Variants in CUX1 observed in about 807,000 individuals in gnomAD.
CUX1 encodes cut like homeobox 1, also known as protein CASP.
A neutral mutation model predicts 158.8 loss-of-function variants in CUX1; 31 were observed. The ratio of observed to expected loss-of-function variants is 0.20; its 90% CI spans 0.15 to 0.26. CUX1 has a LOEUF of 0.26. Ranked by LOEUF, CUX1 falls within the 10% of genes least tolerant of loss-of-function variation. The pLI is 1.00. For synonymous variants in CUX1, 879 were observed against 862.1 expected (o/e 1.02, Z -0.34); for missense variants, 1,589 against 2,014.6 (o/e 0.79, Z 4.04).
intron 1 of CUX1, among the ~76,000 whole-genome samples, chr7:101,908,397 C>T (rs541287437): frequency 1.6e-4 from 24 of 152,336 alleles, no homozygotes; most frequent in East Asian, 5.8e-4. Context: ...TTGCTCGCCT[C>T]GGCCTCCCAA....
chr7:102,264,626 TCATTGGTAGG>T (rs1790668058), intron 14 of CUX1: 1 of 152,416 alleles, frequency 6.6e-6, no homozygotes, highest in Non-Finnish European at 1.5e-5. Flanking sequence ...GAAGTAGGAT[TCATTGGTAGG>T]AGTGAGTAAG....
intron 2 of CUX1, among the ~76,000 whole-genome samples, chr7:102,023,584 C>G (rs1819644828): frequency 6.6e-6 from 1 of 152,180 alleles, no homozygotes; most frequent in African/African-American, 2.4e-5. Context: ...GGGGAGCCTC[C>G]CAATGTGCTG....
rs1792687691 is a variant in CUX1, at chr7:102,178,770, T to C, written c.1017+113T>C. On this transcript the variant is annotated intron_variant, in intron 11 of 23. Coordinates refer to ENST00000292535, the MANE Select transcript of CUX1 (RefSeq NM_181552.4). ...GGACTTGATAGCAAGTGTGGCAACC[T>C]TGAACCTCTGTAAAGTAGCACCAAG... is the stretch of plus-strand genomic sequence containing the variant. The C allele has an allele frequency of 2.6e-6, 3 of 1,172,338 alleles. No individual in the cohort carries two copies. The Admixed American group carries it at 7.2e-5, about 28-fold the overall frequency. The allele number at this position is 1,172,338 out of a possible 1,614,324, so 72.6% of individuals were successfully genotyped here. A position where few individuals can be genotyped will look rare whatever the true frequency, so the allele number is the denominator to read the frequency against.
At chr7:102,030,322 CTCTTTACCCAGA>C (rs1477479057) in intron 3 of CUX1, among the ~76,000 whole-genome samples, 1 of 151,966 alleles carries the variant, frequency 6.6e-6, no homozygotes, top group Admixed American at 6.6e-5. Flanking sequence ...CACCTATATG[CTCTTTACCCAGA>C]TCCACAGTTG....
At chr7:101,988,525 C>T (rs1047367560) in intron 2 of CUX1, among the ~76,000 whole-genome samples, 1 of 152,186 alleles carries the variant, frequency 6.6e-6, no homozygotes, top group African/African-American at 2.4e-5. Context: ...CCTGCTCCTC[C>T]TTTCCCTCCA....
chr7:101,878,677 T>G (rs1454893544), intron 1 of CUX1, among the ~76,000 whole-genome samples: 1 of 151,890 alleles, frequency 6.6e-6, no homozygotes, highest in Non-Finnish European at 1.5e-5. Flanking sequence ...AGATCTTTTT[T>G]TGTTTTTTTT....
chr7:101,836,663 G>C (rs1794663506), intron 1 of CUX1, among the ~76,000 whole-genome samples: 1 of 131,738 alleles, frequency 7.6e-6, no homozygotes, highest in Non-Finnish European at 1.5e-5. Context: ...CCAAGGCTCT[G>C]AGAGCAGCGA....
chr7:101,945,009 GAC>G (rs1808204364), intron 2 of CUX1, among the ~76,000 whole-genome samples: 1 of 152,166 alleles, frequency 6.6e-6, no homozygotes, highest in Non-Finnish European at 1.5e-5. Flanking sequence ...GAGAAAATAA[GAC>G]AGCATTGCAC....
At chr7:102,129,965 CTT>C (rs1274008307) in intron 8 of CUX1, among the ~76,000 whole-genome samples, 2 of 152,266 alleles carry the variant, frequency 1.3e-5, no homozygotes, top group Non-Finnish European at 2.9e-5. Context: ...CGTTAAAAAA[CTT>C]TTTGGAACCC....
chr7:102,255,994 G>A lies in CUX1; in HGVS notation c.*6952G>A. Reference sequence around the variant, plus strand: ...TAAGCTTTAGACCAGGACGATTCAGGTTATGAATGAGTTTGTTCACTGTAG... The same window carrying A: ...TAAGCTTTAGACCAGGACGATTCAGATTATGAATGAGTTTGTTCACTGTAG... On this transcript the variant is annotated 3_prime_UTR_variant, in exon 24 of 24. Coordinates refer to ENST00000292535, the MANE Select transcript of CUX1 (RefSeq NM_181552.4). 4 of 985,418 alleles carry A rather than the reference G, an allele frequency of 4.1e-6. No individual in the cohort carries two copies. The highest frequency in any genetic ancestry group is 4.8e-6 in the Non-Finnish European group (4 of 829,930). 61.0% of individuals were successfully genotyped at this position (985,418 alleles called of 1,614,324 possible).
chr7:101,816,977 G>A, upstream of CUX1: 2 of 983,992 alleles, frequency 2.0e-6, no homozygotes, highest in Non-Finnish European at 1.2e-6. Flanking sequence ...GCACCTCGCG[G>A]CCGCCGCGCT....
intron 1 of CUX1, among the ~76,000 whole-genome samples, chr7:101,847,394 G>T (rs138654317): frequency 6.6e-6 from 1 of 152,082 alleles, no homozygotes; most frequent in Admixed American, 6.6e-5. Context: ...GCAGCCATGC[G>T]TCCCACTGTC....
intron 6 of CUX1, among the ~76,000 whole-genome samples, chr7:102,106,200 G>A (rs1213510412): frequency 7.0e-6 from 1 of 143,616 alleles, no homozygotes; most frequent in Non-Finnish European, 1.5e-5. Flanking sequence ...TGATTCTCCT[G>A]CCTCAGCCTC....
intron 3 of CUX1, among the ~76,000 whole-genome samples, chr7:102,029,516 G>A (rs1820458850): frequency 6.6e-6 from 1 of 152,092 alleles, no homozygotes; most frequent in South Asian, 2.1e-4. Context: ...AACTGGGAGC[G>A]AGAGCAGGGA....
chr7:101,888,340 A>T (rs947413989), intron 1 of CUX1, among the ~76,000 whole-genome samples: 1 of 152,182 alleles, frequency 6.6e-6, no homozygotes, highest in Non-Finnish European at 1.5e-5. Context: ...CCAAAAAAAA[A>T]GAAAAAAAAA....
chr7:102,065,623 G>A (rs1265447678), intron 3 of CUX1, among the ~76,000 whole-genome samples: 3 of 152,200 alleles, frequency 2.0e-5, no homozygotes, highest in East Asian at 1.9e-4. Context: ...CGGCCTGACC[G>A]TGTTCCTCAG....
chr7:101,878,524 C>T (rs1057122378), intron 1 of CUX1, among the ~76,000 whole-genome samples: 1 of 152,148 alleles, frequency 6.6e-6, no homozygotes, highest in Non-Finnish European at 1.5e-5. Flanking sequence ...TGCGTCGCTG[C>T]TGGGGTCTGG....
At chr7:102,186,755 C>T (rs189409254) in intron 11 of CUX1, 3 of 152,264 alleles carry the variant, frequency 2.0e-5, no homozygotes, top group Admixed American at 2.0e-4. Context: ...GGACTCAGGC[C>T]AGGCGTGGTG....
chr7:102,269,881 C>G (rs1281499131), intron 14 of CUX1, among the ~76,000 whole-genome samples: 1 of 152,218 alleles, frequency 6.6e-6, no homozygotes, highest in Non-Finnish European at 1.5e-5. Flanking sequence ...ACCAGCATAT[C>G]CAGCCTCAGG....
Sources: allele counts gnomAD v4.1 joint callset (sites outside exome capture counted in the v4.1 genomes callset), GRCh38; gene constraint gnomAD v4.1.1; transcripts MANE v1.5; gene names NCBI Gene and HGNC (gene_info 2026-07-23, HGNC 2026-07-21).